ACOT11: variants seen among roughly 807,000 people sequenced by gnomAD.
ACOT11 encodes acyl-CoA thioesterase 11.
Under a neutral mutation model 77.5 loss-of-function variants are expected in ACOT11, and 69 were observed. The observed-to-expected ratio is 0.89, with a 90% CI of 0.73 to 1.09. The LOEUF is 1.09. Among genes scored for constraint, ACOT11 ranks in the 50% least tolerant of loss-of-function variants. The pLI is 0.00. For missense variants in ACOT11, 766 were observed against 813.7 expected (o/e 0.94, Z 0.71); for synonymous variants, 279 against 313.0 (o/e 0.89, Z 1.15).
At chr1:54,625,939 CAAA>C (rs55726397) in intron 15 of ACOT11, among the ~76,000 whole-genome samples, 2 of 107,284 alleles carry the variant, frequency 1.9e-5, no homozygotes, top group Non-Finnish European at 1.9e-5. Context: ...AACTCTGTCT[CAAA>C]AAAAAAAAAA....
chr1:54,562,409 C>T (rs1225573401), intron 1 of ACOT11, among the ~76,000 whole-genome samples: 2 of 79,250 alleles, frequency 2.5e-5, no homozygotes, highest in Non-Finnish European at 4.8e-5. Context: ...AGGCGCCCCT[C>T]ACCTCCCGGA....
At chr1:54,574,708 G>A (rs1316029983) in intron 1 of ACOT11, among the ~76,000 whole-genome samples, 2 of 152,116 alleles carry the variant, frequency 1.3e-5, no homozygotes, top group Non-Finnish European at 2.9e-5. Flanking sequence ...GGGTGGGGCC[G>A]GGATTCAAAT....
rs935295349 is a variant in ACOT11 at position 54,575,600 on chromosome 1, C to T, written c.34-9055C>T. Among the ~76,000 whole-genome samples the T allele has an allele frequency of 4.6e-5, 7 of 152,160 alleles. 1 individual carries two copies. In the South Asian group the frequency reaches 8.3e-4, roughly 18 times the overall value. On this transcript the variant is annotated intron_variant, in intron 1 of 15. Coordinates refer to ENST00000343744, the MANE Select transcript of ACOT11 (RefSeq NM_147161.4). Reference sequence around the variant, plus strand: ...AAAATCTCATGCATTTGGTCCACAGCGAGCCAGGCTCTGTCCCCTCTGGGC... The same window carrying T: ...AAAATCTCATGCATTTGGTCCACAGTGAGCCAGGCTCTGTCCCCTCTGGGC...
downstream of ACOT11, chr1:54,612,634 A>T: frequency 6.2e-7 from 1 of 1,613,868 alleles, no homozygotes; most frequent in South Asian, 1.1e-5. Flanking sequence ...CTGTTTGGGG[A>T]CGTGGACATG....
Position 54,584,598 on chromosome 1 carries a change from G to A in ACOT11, c.34-57G>A, listed in dbSNP as rs895412359. On this transcript the variant is annotated intron_variant, in intron 1 of 15. Transcript: ENST00000343744. The surrounding 1 kb of genome is among the most constrained non-coding windows in gnomAD (Gnocchi z 6.3). ...AAGTTCTCAGGGCTGGACAGACCTG[G>A]GAGACCCTGCAGCAAGCAGACCTCT... 1.9e-5 allele frequency: 29 copies of A among 1,529,462 alleles called. No individual in the cohort carries two copies. The highest frequency in any genetic ancestry group is 2.1e-5 in the Non-Finnish European group (23 of 1,120,144). The allele number at this position is 1,529,462 out of a possible 1,614,324, so 94.7% of individuals were successfully genotyped here.
At chr1:54,599,221 T>TATAA (rs1420250592) in intron 7 of ACOT11, 75 bp from the exon 8 acceptor site, 1 of 97,530 alleles carries the variant, frequency 1.0e-5, no homozygotes, top group African/African-American at 1.0e-4. Flanking sequence ...TATATATATA[T>TATAA]ATAAAAATCT....
At chr1:54,611,232 G>A (rs919594040), downstream of ACOT11, among the ~76,000 whole-genome samples, 1 of 151,998 alleles carries the variant, frequency 6.6e-6, no homozygotes, top group Non-Finnish European at 1.5e-5. Flanking sequence ...GCAGAAGTTC[G>A]AGACCAGCCT....
intron 1 of ACOT11, among the ~76,000 whole-genome samples, chr1:54,553,349 C>T (rs1569631217): frequency 6.6e-6 from 1 of 151,478 alleles, no homozygotes; most frequent in African/African-American, 2.4e-5. Context: ...AACTGTGTCT[C>T]TATTAAAAAT....
intron 1 of ACOT11, among the ~76,000 whole-genome samples, chr1:54,552,384 C>T (rs1000946173): frequency 6.6e-6 from 1 of 152,138 alleles, no homozygotes; most frequent in African/African-American, 2.4e-5. Context: ...TAGAAGGCTT[C>T]CTGGAGGAAG....
intron 12 of ACOT11, 27 bp downstream of exon 12, chr1:54,604,456 C>G (rs760646481): frequency 1.2e-6 from 2 of 1,609,512 alleles, no homozygotes; most frequent in Non-Finnish European, 1.7e-6. Flanking sequence ...ACCCAATTTT[C>G]CTTTCTCATC....
chr1:54,607,015 G>T lies in ACOT11; in HGVS notation c.1371-119G>T. 2 of 1,416,472 alleles carry T rather than the reference G, an allele frequency of 1.4e-6. No homozygotes were observed. The highest frequency in any genetic ancestry group is 9.6e-7 in the Non-Finnish European group (1 of 1,041,902). The allele number at this position is 1,416,472 out of a possible 1,614,324, so 87.7% of individuals were successfully genotyped here. A position where few individuals can be genotyped will look rare whatever the true frequency, so the allele number is the denominator to read the frequency against. On this transcript the variant is annotated intron_variant, in intron 13 of 15. Transcript: ENST00000343744. This position sits in a 1 kb window ranked among gnomAD's most constrained non-coding sequence, Gnocchi z 4.5. ...CTGGCCCTTGCTGAGCAGTACAGGG[G>T]GTGACATCCCATCACAGAAGCTGCT...
At chr1:54,573,536 C>A (rs1450499605) in intron 1 of ACOT11, among the ~76,000 whole-genome samples, 2 of 152,104 alleles carry the variant, frequency 1.3e-5, no homozygotes, top group Non-Finnish European at 2.9e-5. Context: ...AGTTCGAGAT[C>A]ACCCTGGCCA....
At chr1:54,567,548 G>A (rs1314812108) in intron 1 of ACOT11, among the ~76,000 whole-genome samples, 1 of 152,032 alleles carries the variant, frequency 6.6e-6, no homozygotes, top group Non-Finnish European at 1.5e-5. Context: ...CAAAGTGCTG[G>A]GATTACAGGC....
At chr1:54,574,393 C>G (rs1241567354) in intron 1 of ACOT11, among the ~76,000 whole-genome samples, 1 of 152,196 alleles carries the variant, frequency 6.6e-6, no homozygotes, top group African/African-American at 2.4e-5. Context: ...GTCTCCCTAT[C>G]TAGACCTTGG....
At chr1:54,639,111 T>C (rs111317180) in exon 17 of ACOT11, 2,522 of 149,760 alleles carry the variant, frequency 0.017, 33 homozygotes, top group Non-Finnish European at 0.027. Context: ...GGAGGATTGC[T>C]TGAGTCCAGG....
intron 15 of ACOT11, among the ~76,000 whole-genome samples, chr1:54,618,776 G>A (rs765872873): frequency 2.0e-5 from 3 of 152,150 alleles, no homozygotes; most frequent in Non-Finnish European, 4.4e-5. Context: ...ACCGTGAATT[G>A]ACACTGCTAG....
At chr1:54,602,634 G>A (rs1247504316) in intron 9 of ACOT11, 35 bp from the exon 10 acceptor site, 4 of 1,491,934 alleles carry the variant, frequency 2.7e-6, no homozygotes, top group East Asian at 2.6e-5. Flanking sequence ...CGGAGGGTGG[G>A]GGTAGCTGGT....
In ACOT11 at chr1:54,604,402, C is replaced by A; in HGVS notation, c.1209C>A (p.Asn403Lys). Residue 403 changes from asparagine to lysine, a missense_variant, in exon 12 of 16, where the codon AAC becomes AAA. Physicochemically the swap from Asn to Lys is moderately conservative, Grantham distance 94. Coordinates refer to ENST00000343744, the MANE Select transcript of ACOT11 (RefSeq NM_147161.4). ...SSLKMLVAKD[N>K]WVLSSEISQV... ...TGAAGATGCTTGTGGCCAAGGACAA[C>A]TGGGTGCTGTCCTCGGAGATCAGTC... is the stretch of plus-strand genomic sequence containing the variant. The A allele has an allele frequency of 6.2e-7, 1 of 1,614,090 alleles. No individual in the cohort carries two copies. Among genetic ancestry groups the A allele is most frequent in the Non-Finnish European group, 8.5e-7 (1 of 1,180,020 alleles).
intron 15 of ACOT11, among the ~76,000 whole-genome samples, chr1:54,627,514 G>T (rs565515472): frequency 7.4e-6 from 1 of 135,908 alleles, no homozygotes; most frequent in South Asian, 2.4e-4. Flanking sequence ...CAGGCACTGT[G>T]CTAGGCTCTG....
Sources: allele counts gnomAD v4.1 joint callset (sites outside exome capture counted in the v4.1 genomes callset), GRCh38; gene constraint gnomAD v4.1.1; non-coding constraint Gnocchi (gnomAD v3.1); transcripts MANE v1.5; gene names NCBI Gene and HGNC (gene_info 2026-07-23, HGNC 2026-07-21).